Variants in CPNE4 observed in about 807,000 individuals in gnomAD.
CPNE4 encodes the protein copine 4, also known as copine-4.
In CPNE4, 25 loss-of-function variants were observed where a neutral mutation model predicts 67.9. The ratio of observed to expected loss-of-function variants is 0.37; its 90% CI spans 0.27 to 0.51. CPNE4 has a LOEUF of 0.51. CPNE4 is among the 20% of genes least tolerant of loss of function. CPNE4 has a pLI of 0.93. For synonymous variants in CPNE4, 242 were observed against 244.9 expected, an observed-to-expected ratio of 0.99 and a Z score of 0.11; for missense variants, 464 against 690.8, an observed-to-expected ratio of 0.67 and a Z score of 3.68.
At chr3:131,824,088 C>G (rs1560401929) in intron 2 of CPNE4, among the ~76,000 whole-genome samples, 1 of 151,508 alleles carries the variant, frequency 6.6e-6, no homozygotes, top group Non-Finnish European at 1.5e-5. Context: ...GACAGAAAAT[C>G]TAAAAGCTAA....
At chr3:131,675,023 G>A (rs2080522041) in intron 6 of CPNE4, among the ~76,000 whole-genome samples, 1 of 151,756 alleles carries the variant, frequency 6.6e-6, no homozygotes, top group Admixed American at 6.6e-5. Flanking sequence ...ATATTCATTT[G>A]TTTTAAGAAA....
intron 7 of CPNE4, among the ~76,000 whole-genome samples, chr3:131,613,101 G>T (rs982652229): frequency 6.6e-6 from 1 of 152,124 alleles, no homozygotes; most frequent in Non-Finnish European, 1.5e-5. Flanking sequence ...AGGAGTCCAT[G>T]GTTGGGTCAG....
At chr3:131,946,849 G>A (rs758594571) in intron 1 of CPNE4, among the ~76,000 whole-genome samples, 1 of 152,088 alleles carries the variant, frequency 6.6e-6, no homozygotes, top group Non-Finnish European at 1.5e-5. Flanking sequence ...TTATTTAGGT[G>A]TGTGATCTAT....
intron 1 of CPNE4, among the ~76,000 whole-genome samples, chr3:132,006,092 A>C (rs2107670984): frequency 6.6e-6 from 1 of 152,254 alleles, no homozygotes. Flanking sequence ...CACTGATCTC[A>C]ACGTATTGTT....
intron 11 of CPNE4, among the ~76,000 whole-genome samples, chr3:131,563,418 CT>C (rs1485422184): frequency 6.6e-6 from 1 of 151,992 alleles, no homozygotes; most frequent in African/African-American, 2.4e-5. Context: ...CATTCTAAAA[CT>C]ACTGGAAAGG....
At chr3:131,868,317 C>G (rs2087046706) in intron 2 of CPNE4, among the ~76,000 whole-genome samples, 1 of 152,240 alleles carries the variant, frequency 6.6e-6, no homozygotes, top group South Asian at 2.1e-4. Flanking sequence ...TCAGAAAGGC[C>G]CTTAAAGAGA....
At chr3:131,642,262 G>C (rs76452348) in intron 7 of CPNE4, among the ~76,000 whole-genome samples, 2,447 of 151,316 alleles carry the variant, frequency 0.016, 66 homozygotes, top group African/African-American at 0.057. Context: ...CATGGTGTAA[G>C]ACTATAGAGA....
In CPNE4 at chr3:132,023,709, G is replaced by A. The variant is rs1198565722; in HGVS notation, c.-2+10858C>T. Among the ~76,000 whole-genome samples the A allele has an allele frequency of 3.3e-5, 5 of 152,110 alleles. No homozygotes were observed. The East Asian group carries it at 7.8e-4, about 24-fold the overall frequency. On this transcript the variant is annotated intron_variant, in intron 1 of 15. Coordinates refer to ENST00000429747, the MANE Select transcript of CPNE4 (RefSeq NM_130808.3). ...TCACCGTTTTAGCCGGGATGGTCTC[G>A]ATCTCCTGACCTCGTGATCCGCCCT...
intron 6 of CPNE4, among the ~76,000 whole-genome samples, chr3:131,675,072 G>T (rs2080522969): frequency 6.6e-6 from 1 of 151,918 alleles, no homozygotes; most frequent in African/African-American, 2.4e-5. Flanking sequence ...TTGATCCACT[G>T]GTCATTCAGG....
intron 2 of CPNE4, among the ~76,000 whole-genome samples, chr3:131,793,771 G>T (rs2083846685): frequency 1.3e-5 from 2 of 152,168 alleles, no homozygotes; most frequent in Non-Finnish European, 2.9e-5. Context: ...CCTCTTTAAA[G>T]AGAAGAGAGT....
chr3:131,921,377 C>T (rs533448687), intron 1 of CPNE4, among the ~76,000 whole-genome samples: 110 of 152,246 alleles, frequency 7.2e-4, no homozygotes, highest in African/African-American at 2.6e-3. Flanking sequence ...ATCCCTAAGA[C>T]CCCTAAAATT....
intron 1 of CPNE4, among the ~76,000 whole-genome samples, chr3:131,993,967 C>A (rs543152345): frequency 3.7e-5 from 5 of 136,300 alleles, no homozygotes; most frequent in African/African-American, 9.8e-5. Context: ...GTGAGCTTAG[C>A]AAAGTTGCAT....
intron 2 of CPNE4, among the ~76,000 whole-genome samples, chr3:131,890,297 CA>C (rs2088059896): frequency 6.6e-6 from 1 of 151,536 alleles, no homozygotes; most frequent in African/African-American, 2.4e-5. Flanking sequence ...GGCTTTTCTC[CA>C]AAGAAGACAT....
intron 2 of CPNE4, among the ~76,000 whole-genome samples, chr3:131,761,151 GAAGAGGGT>G (rs71136410): frequency 0.73 from 109,553 of 149,494 alleles, 40,659 homozygotes; most frequent in Non-Finnish European, 0.8. Context: ...GAAGACAGTG[GAAGAGGGT>G]AAGAGGGTAA....
chr3:131,659,041 G>A (rs186552195), intron 7 of CPNE4, among the ~76,000 whole-genome samples: 2 of 152,308 alleles, frequency 1.3e-5, no homozygotes, highest in African/African-American at 2.4e-5. Flanking sequence ...ATTTCCAAAT[G>A]TGCAAAAATG....
At chr3:131,996,322 G>A (rs1330569747) in intron 1 of CPNE4, among the ~76,000 whole-genome samples, 2 of 151,974 alleles carry the variant, frequency 1.3e-5, no homozygotes, top group African/African-American at 4.8e-5. Context: ...GAGAACCAGG[G>A]GAGAAACTCT....
At chr3:131,868,940 TA>T (rs1279142805) in intron 2 of CPNE4, among the ~76,000 whole-genome samples, 5 of 152,160 alleles carry the variant, frequency 3.3e-5, no homozygotes, top group African/African-American at 1.2e-4. Flanking sequence ...CCAAAGTATC[TA>T]AGTAAGAACT....
chr3:131,837,770 T>C (rs1003712147), intron 2 of CPNE4, among the ~76,000 whole-genome samples: 2 of 152,044 alleles, frequency 1.3e-5, no homozygotes, highest in Non-Finnish European at 2.9e-5. Flanking sequence ...GGTAATATTA[T>C]TGTACCAAAT....
rs552492538 is a variant in CPNE4 at position 132,025,462 on chromosome 3, C to G, written c.-2+9105G>C. 9.2e-5 allele frequency among the ~76,000 whole-genome samples: 14 copies of G among 152,102 alleles called. No individual in the cohort carries two copies. In the East Asian group the frequency reaches 2.3e-3, roughly 25 times the overall value. The stretch of plus-strand genomic sequence containing the variant: ...TGGGCATAAAATTTGTGAGTAGGAA[C>G]AGAGAGAGAGGAGAGGAGGAAAGGG... On this transcript the variant is annotated intron_variant, in intron 1 of 15. Coordinates refer to ENST00000429747, the MANE Select transcript of CPNE4 (RefSeq NM_130808.3).
Sources: gnomAD v4.1 joint callset for allele counts (sites outside exome capture counted in the v4.1 genomes callset) on GRCh38, gnomAD v4.1.1 for gene constraint, MANE v1.5 for transcripts, NCBI Gene and HGNC (gene_info 2026-07-23, HGNC 2026-07-21) for gene names.